GRID2: variants seen among roughly 807,000 people sequenced by gnomAD.
The protein encoded by GRID2 is glutamate receptor ionotropic, delta-2.
In GRID2, 33 loss-of-function variants were observed where a neutral mutation model predicts 114.8. The observed-to-expected ratio is 0.29, with a 90% CI of 0.22 to 0.38. GRID2 has a LOEUF of 0.38. Ranked by LOEUF, GRID2 falls within the 10% of genes least tolerant of loss-of-function variation. The pLI is 1.00. For synonymous variants in GRID2, 505 were observed against 449.9 expected, an observed-to-expected ratio of 1.12 and a Z score of -1.55; for missense variants, 1,184 against 1,257.7, an observed-to-expected ratio of 0.94 and a Z score of 0.89.
chr4:92,616,216 C>T (rs888766920), intron 2 of GRID2, among the ~76,000 whole-genome samples: 1 of 151,480 alleles, frequency 6.6e-6, no homozygotes, highest in African/African-American at 2.4e-5. Context: ...ATTGTGATTT[C>T]ACCTTCAATT....
intron 14 of GRID2, among the ~76,000 whole-genome samples, chr4:93,675,526 A>G (rs1724776223): frequency 6.6e-6 from 1 of 152,208 alleles, no homozygotes; most frequent in Admixed American, 6.5e-5. Flanking sequence ...ATTTTGTATA[A>G]TTTTCACAGC....
chr4:92,933,106 T>A (rs1750369995), intron 2 of GRID2, among the ~76,000 whole-genome samples: 1 of 150,780 alleles, frequency 6.6e-6, no homozygotes, highest in Admixed American at 6.7e-5. Flanking sequence ...ATACAACTGA[T>A]AAGAATTATA....
Position 92,528,795 on chromosome 4 carries a change from T to C in GRID2, c.89-61336T>C, listed in dbSNP as rs980557729. 1.7e-4 allele frequency among the ~76,000 whole-genome samples: 25 copies of C among 150,418 alleles called. 1 individual carries two copies. The highest frequency in any genetic ancestry group is 1.5e-5 in the Non-Finnish European group (1 of 67,798). On this transcript the variant is annotated intron_variant, in intron 1 of 15. Coordinates refer to ENST00000282020, the MANE Select transcript of GRID2 (RefSeq NM_001510.4). ...AACATGCTCCACTAAAGTCGTTTCTTTGTTCTAAATCCAAGAACATCCTGT... is the reference window on the plus strand; with the variant it reads ...AACATGCTCCACTAAAGTCGTTTCTCTGTTCTAAATCCAAGAACATCCTGT...
intron 2 of GRID2, among the ~76,000 whole-genome samples, chr4:92,937,153 G>A (rs565677664): frequency 2.7e-5 from 4 of 145,516 alleles, no homozygotes; most frequent in South Asian, 2.3e-4. Flanking sequence ...CCTTTCTCTC[G>A]CTGTCTTGAT....
intron 1 of GRID2, among the ~76,000 whole-genome samples, chr4:92,487,045 G>A (rs751479611): frequency 3.6e-4 from 55 of 151,746 alleles, no homozygotes; most frequent in Admixed American, 6.6e-5. Context: ...TCTGATATTT[G>A]TGATTTGTAC....
At chr4:93,104,806 C>T (rs1219960877) in intron 3 of GRID2, among the ~76,000 whole-genome samples, 2 of 152,124 alleles carry the variant, frequency 1.3e-5, no homozygotes, top group Non-Finnish European at 2.9e-5. Flanking sequence ...GATTTACAGT[C>T]CTTTGGGTAT....
intron 14 of GRID2, among the ~76,000 whole-genome samples, chr4:93,632,243 G>A (rs1720976150): frequency 6.6e-6 from 1 of 152,080 alleles, no homozygotes. Context: ...TGTCAGTTTT[G>A]GCTTTTGTTG....
intron 2 of GRID2, among the ~76,000 whole-genome samples, chr4:92,674,609 G>T (rs539836168): frequency 2.0e-5 from 3 of 152,032 alleles, no homozygotes; most frequent in African/African-American, 7.2e-5. Flanking sequence ...TGCAACCTCC[G>T]CCTCCCAGGT....
At chr4:92,969,782 C>T (rs62308160) in intron 2 of GRID2, among the ~76,000 whole-genome samples, 3,811 of 151,736 alleles carry the variant, frequency 0.025, 81 homozygotes, top group Non-Finnish European at 0.038. Context: ...GCTACTATTC[C>T]TAGTACCAAT....
chr4:92,379,581 A>G (rs1729516815), intron 1 of GRID2, among the ~76,000 whole-genome samples: 1 of 151,998 alleles, frequency 6.6e-6, no homozygotes, highest in South Asian at 2.1e-4. Context: ...GTTGAACAGT[A>G]TATTTTATAA....
intron 4 of GRID2, among the ~76,000 whole-genome samples, chr4:93,145,865 T>TACAC (rs10605314): frequency 1.2e-3 from 183 of 147,974 alleles, no homozygotes; most frequent in East Asian, 4.0e-3. Flanking sequence ...CACACACACA[T>TACAC]ACACACACAC....
intron 13 of GRID2, among the ~76,000 whole-genome samples, chr4:93,578,667 C>T (rs577155409): frequency 7.3e-6 from 1 of 136,736 alleles, no homozygotes; most frequent in South Asian, 2.3e-4. Context: ...GATCTTGGGT[C>T]ACTGCAAGCT....
chr4:92,807,374 T>A (rs539889049), intron 2 of GRID2, among the ~76,000 whole-genome samples: 3 of 152,094 alleles, frequency 2.0e-5, no homozygotes, highest in African/African-American at 7.2e-5. Context: ...AGTTTGTACC[T>A]TTTTTATATT....
intron 8 of GRID2, among the ~76,000 whole-genome samples, chr4:93,335,827 T>C (rs1046095455): frequency 2.0e-4 from 30 of 152,006 alleles, no homozygotes; most frequent in Non-Finnish European, 2.4e-4. Context: ...GCCTCCTGAA[T>C]AGCTGGGACT....
At position 92,975,156 on chromosome 4, in the gene GRID2, CAAAA is replaced by C. The variant is rs527770693; in HGVS notation, c.245-109821_245-109818del. Among the ~76,000 whole-genome samples the C allele has an allele frequency of 1.6e-3, 75 of 46,680 alleles. 4 individuals carry two copies. Among genetic ancestry groups the C allele is most frequent in the Admixed American group, 3.6e-3 (10 of 2,762 alleles). 30.6% of individuals were successfully genotyped at this position (46,680 alleles called of 152,430 possible). A position where few individuals can be genotyped will look rare whatever the true frequency, so the allele number is the denominator to read the frequency against. ...TGGGCGACAGAGTGAGATTCCGCCT[CAAAA>C]AAAAAAAAAAAAAAAAAGGTGTTGA... On this transcript the variant is annotated intron_variant, in intron 2 of 15. Coordinates refer to ENST00000282020, the MANE Select transcript of GRID2 (RefSeq NM_001510.4).
At chr4:93,364,159 A>T (rs1762125314) in intron 8 of GRID2, among the ~76,000 whole-genome samples, 1 of 152,132 alleles carries the variant, frequency 6.6e-6, no homozygotes, top group South Asian at 2.1e-4. Flanking sequence ...ATCTGCTGCT[A>T]AGGAGAAAAA....
chr4:93,767,375 G>C (rs1331955678), intron 14 of GRID2, among the ~76,000 whole-genome samples: 1 of 152,158 alleles, frequency 6.6e-6, no homozygotes, highest in East Asian at 1.9e-4. Context: ...TGGAATGGAA[G>C]CTGGAATAAG....
intron 2 of GRID2, among the ~76,000 whole-genome samples, chr4:92,732,802 C>T (rs1184188550): frequency 6.6e-6 from 1 of 151,934 alleles, no homozygotes; most frequent in Non-Finnish European, 1.5e-5. Context: ...CTTGTCTTTC[C>T]CAAAATTATA....
At chr4:93,796,679 G>A (rs141860952) in intron 1 of GRID2, among the ~76,000 whole-genome samples, 2 of 152,142 alleles carry the variant, frequency 1.3e-5, no homozygotes, top group Non-Finnish European at 2.9e-5. Context: ...AAGTAACTGG[G>A]ATTACGGGCA....
Sources: gnomAD v4.1 joint callset for allele counts (sites outside exome capture counted in the v4.1 genomes callset) on GRCh38, gnomAD v4.1.1 for gene constraint, MANE v1.5 for transcripts, NCBI Gene and HGNC (gene_info 2026-07-23, HGNC 2026-07-21) for gene names.